The following GAS2 variants were observed in gnomAD, a reference collection of about 807,000 sequenced individuals.
GAS2 encodes the protein growth arrest specific 2.
Under a neutral mutation model 37.5 loss-of-function variants are expected in GAS2, and 20 were observed. That is an observed-to-expected ratio of 0.53 (90% confidence interval 0.37 to 0.77). The LOEUF is 0.77. Ranked by LOEUF, GAS2 falls within the 30% of genes least tolerant of loss-of-function variation. The pLI is 0.00. For synonymous variants in GAS2, 144 were observed against 132.2 expected, an observed-to-expected ratio of 1.09 and a Z score of -0.61; for missense variants, 336 against 373.4, an observed-to-expected ratio of 0.90 and a Z score of 0.82.
At chr11:22,702,385 G>C (rs996605227) in intron 3 of GAS2, 1 of 152,072 alleles carries the variant, frequency 6.6e-6, no homozygotes, top group African/African-American at 2.4e-5. Context: ...TGAACTGTCT[G>C]TAGATGGAAT....
chr11:22,713,319 A>G (rs1851503813), intron 3 of GAS2, among the ~76,000 whole-genome samples: 1 of 151,722 alleles, frequency 6.6e-6, no homozygotes, highest in Non-Finnish European at 1.5e-5. Flanking sequence ...AATAAAAATA[A>G]TTTAAAAAAT....
At chr11:22,720,685 C>A (rs887443568) in intron 3 of GAS2, among the ~76,000 whole-genome samples, 2 of 151,900 alleles carry the variant, frequency 1.3e-5, no homozygotes, top group African/African-American at 4.8e-5. Context: ...AATATTAGTT[C>A]TTGGCAAGCC....
At chr11:22,653,466 G>A (rs971985133) in intron 1 of GAS2, among the ~76,000 whole-genome samples, 15 of 152,250 alleles carry the variant, frequency 9.9e-5, no homozygotes, top group African/African-American at 3.1e-4. Flanking sequence ...TAGCAAATAT[G>A]TTGAAAAAGG....
At chr11:22,803,278 C>CT (rs1324751985) in intron 7 of GAS2, among the ~76,000 whole-genome samples, 2 of 152,142 alleles carry the variant, frequency 1.3e-5, no homozygotes, top group Non-Finnish European at 2.9e-5. Context: ...TGTTACCTCA[C>CT]TAGACACGTT....
chr11:22,675,591 T>A (rs535779208), intron 2 of GAS2, among the ~76,000 whole-genome samples: 46 of 152,338 alleles, frequency 3.0e-4, no homozygotes, highest in African/African-American at 8.9e-4. Flanking sequence ...CTGGTAAAGA[T>A]TCCTCTCCTT....
At chr11:22,701,031 C>G (rs1310172167) in intron 3 of GAS2, among the ~76,000 whole-genome samples, 1 of 152,110 alleles carries the variant, frequency 6.6e-6, no homozygotes, top group Non-Finnish European at 1.5e-5. Context: ...TATTTTCTAT[C>G]AGAGCAGCTA....
intron 2 of GAS2, among the ~76,000 whole-genome samples, chr11:22,678,817 TA>T (rs1299220451): frequency 6.6e-6 from 1 of 152,036 alleles, no homozygotes; most frequent in Non-Finnish European, 1.5e-5. Flanking sequence ...TGTTAGTTCA[TA>T]AACCAGTGTT....
intron 7 of GAS2, among the ~76,000 whole-genome samples, chr11:22,809,478 T>TTTA (rs1029008222): frequency 2.0e-5 from 3 of 151,698 alleles, no homozygotes; most frequent in African/African-American, 4.8e-5. Context: ...TCCATATTTA[T>TTTA]TTATTATTAT....
intron 3 of GAS2, among the ~76,000 whole-genome samples, chr11:22,701,998 G>A (rs1850866752): frequency 6.6e-6 from 1 of 152,062 alleles, no homozygotes; most frequent in Admixed American, 6.6e-5. Context: ...TTTTAAATGT[G>A]TCCTATCTTC....
At chr11:22,700,747 G>A (rs1311146272) in intron 3 of GAS2, among the ~76,000 whole-genome samples, 1 of 152,132 alleles carries the variant, frequency 6.6e-6, no homozygotes, top group Non-Finnish European at 1.5e-5. Context: ...TGATTATACT[G>A]CTTGCAGTAT....
rs531309073 is a variant in GAS2 at position 22,675,239 on chromosome 11, T to C, written c.145+225T>C. Among the ~76,000 whole-genome samples the C allele has an allele frequency of 3.9e-5, 6 of 152,320 alleles. No homozygotes were observed. The East Asian group carries it at 1.2e-3, about 29-fold the overall frequency. On this transcript the variant is annotated intron_variant, in intron 2 of 7. Transcript: ENST00000454584. ...GTAATTCCAATATGATGCACTCAAATGTGGAAATATGCAGTCAGATTGCTT... is the reference window on the plus strand; with the variant it reads ...GTAATTCCAATATGATGCACTCAAACGTGGAAATATGCAGTCAGATTGCTT...
rs143423445 is a variant in GAS2 at position 22,798,512 on chromosome 11, A to G, written c.724-13286A>G. On this transcript the variant is annotated intron_variant, in intron 7 of 7. Coordinates refer to ENST00000454584, the MANE Select transcript of GAS2 (RefSeq NM_001143830.3). ...CTGTTATTTATCTCTCTGAAGTTTT[A>G]TCTAAGAAAAGGGTATAATAAGCTA... Among the ~76,000 whole-genome samples, 1,088 of 152,166 alleles carry G rather than the reference A, an allele frequency of 7.2e-3. 17 individuals carry two copies. The highest frequency in any genetic ancestry group is 0.025 in the African/African-American group (1,029 of 41,542).
chr11:22,646,479 T>A (rs952314762), intron 1 of GAS2, among the ~76,000 whole-genome samples: 3 of 152,200 alleles, frequency 2.0e-5, no homozygotes, highest in African/African-American at 7.2e-5. Flanking sequence ...ACTTTAAATC[T>A]ACCTATGTGT....
At chr11:22,654,963 T>C (rs951311767) in intron 1 of GAS2, among the ~76,000 whole-genome samples, 2 of 152,146 alleles carry the variant, frequency 1.3e-5, no homozygotes, top group African/African-American at 4.8e-5. Flanking sequence ...CCTGAATTAA[T>C]AACCAAATCT....
At chr11:22,787,565 A>C (rs1011357207) in intron 7 of GAS2, among the ~76,000 whole-genome samples, 1 of 151,980 alleles carries the variant, frequency 6.6e-6, no homozygotes, top group African/African-American at 2.4e-5. Flanking sequence ...TGACAAGTAG[A>C]TTTATTCCGA....
rs1852217939 is a variant in GAS2 at position 22,726,389 on chromosome 11, A to G, written c.365A>G (p.Asp122Gly). 6.2e-7 allele frequency: 1 copy of G among 1,612,888 alleles called. No homozygotes were observed. Among genetic ancestry groups the G allele is most frequent in the Non-Finnish European group, 8.5e-7 (1 of 1,179,386 alleles). ...NTANFLSWCRDLGVDETCLFE... is the reference protein window; with the variant it reads ...NTANFLSWCRGLGVDETCLFE... ...GCAAATTTCTTATCCTGGTGCCGAGATTTAGGGGTGGATGAAACGTGTCTA... is the reference window on the plus strand; with the variant it reads ...GCAAATTTCTTATCCTGGTGCCGAGGTTTAGGGGTGGATGAAACGTGTCTA... The change falls in exon 4 of 8, where the codon GAT becomes GGT. Residue 122 changes from aspartate to glycine, a missense_variant. Asp to Gly is a moderately conservative substitution (Grantham distance 94, BLOSUM62 -1). Transcript: ENST00000454584.
intron 1 of GAS2, among the ~76,000 whole-genome samples, chr11:22,673,915 T>A (rs921679672): frequency 6.6e-6 from 1 of 152,228 alleles, no homozygotes; most frequent in South Asian, 2.1e-4. Flanking sequence ...ACTCTAAAGA[T>A]ACTTTCAAAC....
At chr11:22,653,800 A>G (rs1007278414) in intron 1 of GAS2, among the ~76,000 whole-genome samples, 2 of 152,190 alleles carry the variant, frequency 1.3e-5, no homozygotes, top group Non-Finnish European at 2.9e-5. Flanking sequence ...TGGACTCGTG[A>G]CTGATTTGAT....
intron 7 of GAS2, among the ~76,000 whole-genome samples, chr11:22,789,303 T>TATATATATATATATATATATATACACAC (rs1350750428): frequency 5.4e-5 from 6 of 111,118 alleles, no homozygotes; most frequent in African/African-American, 2.2e-4. Flanking sequence ...TATATATATA[T>TATATATATATATATATATATATACACAC]ACACACACAC....
Sources: allele counts gnomAD v4.1 joint callset (sites outside exome capture counted in the v4.1 genomes callset), GRCh38; gene constraint gnomAD v4.1.1; transcripts MANE v1.5; gene names NCBI Gene and HGNC (gene_info 2026-07-23, HGNC 2026-07-21).